PDPN: variants seen among roughly 807,000 people sequenced by gnomAD.
PDPN encodes the protein PA2.26 antigen.
Under a neutral mutation model 23.2 loss-of-function variants are expected in PDPN, and 12 were observed. The observed-to-expected ratio is 0.52, with a 90% confidence interval of 0.33 to 0.84. The LOEUF is 0.84. Ranked by LOEUF, PDPN falls within the 40% of genes least tolerant of loss-of-function variation. The pLI, the probability that PDPN is intolerant of heterozygous loss-of-function variation, is 0.02. For missense variants in PDPN, 199 were observed against 212.2 expected (o/e 0.94, Z 0.39); for synonymous variants, 77 against 76.7 (o/e 1.00, Z -0.02).
chr1:13,610,296 A>T, intron 2 of PDPN, 91 bp from the exon 3 acceptor site: 1 of 1,061,872 alleles, frequency 9.4e-7, no homozygotes, highest in Non-Finnish European at 1.4e-6. Flanking sequence ...CCATATTTTT[A>T]TGCCACCTTA....
At chr1:13,610,239 T>A (rs924807016) in intron 2 of PDPN, 148 bp from the exon 3 acceptor site, 1 of 627,958 alleles carries the variant, frequency 1.6e-6, no homozygotes, top group Non-Finnish European at 2.8e-6. Flanking sequence ...CAAGATCTAA[T>A]TGTTCTGTTC....
At chr1:13,593,342 T>C (rs1640402453) in intron 1 of PDPN, among the ~76,000 whole-genome samples, 1 of 152,128 alleles carries the variant, frequency 6.6e-6, no homozygotes, top group Non-Finnish European at 1.5e-5. Context: ...GATGATCTGA[T>C]GAGTACCTGG....
At position 13,611,870 on chromosome 1, in the gene PDPN, A is replaced by G. The variant is rs1557551189; in HGVS notation, c.331+1354A>G. 5.3e-5 allele frequency among the ~76,000 whole-genome samples: 8 copies of G among 152,228 alleles called. No individual in the cohort carries two copies. The South Asian group carries it at 1.4e-3, about 28-fold the overall frequency. ...CACCAGAGAAAGCCAAGTTGAGCTA[A>G]GCAAAGAAAGAATAATCAATATAAA... On this transcript the variant is annotated intron_variant, in intron 3 of 5. Transcript: ENST00000621990.
chr1:13,613,983 A>G (rs77919343), intron 4 of PDPN, among the ~76,000 whole-genome samples: 1 of 151,156 alleles, frequency 6.6e-6, no homozygotes, highest in East Asian at 1.9e-4. Flanking sequence ...ATGGTGTCAT[A>G]TCACAGTTCA....
intron 1 of PDPN, among the ~76,000 whole-genome samples, chr1:13,598,310 C>G (rs566379505): frequency 1.3e-5 from 2 of 152,132 alleles, no homozygotes; most frequent in African/African-American, 2.4e-5. Flanking sequence ...AGCCACCATG[C>G]CTGTCCCGCA....
chr1:13,597,035 T>C (rs931468505), intron 1 of PDPN, among the ~76,000 whole-genome samples: 1 of 152,138 alleles, frequency 6.6e-6, no homozygotes, highest in Non-Finnish European at 1.5e-5. Flanking sequence ...AAAAATAATA[T>C]ACAAAAGCCT....
intron 1 of PDPN, among the ~76,000 whole-genome samples, chr1:13,605,333 C>T (rs1000922192): frequency 2.0e-5 from 3 of 152,186 alleles, no homozygotes; most frequent in Non-Finnish European, 4.4e-5. Context: ...TTCCAAGCAC[C>T]TCCCTCCCCC....
chr1:13,605,760 C>T (rs780825476), intron 1 of PDPN, among the ~76,000 whole-genome samples: 5 of 151,932 alleles, frequency 3.3e-5, no homozygotes, highest in Non-Finnish European at 5.9e-5. Context: ...GTAGCTGGGA[C>T]TACAGGCATG....
intron 1 of PDPN, among the ~76,000 whole-genome samples, chr1:13,586,965 C>T (rs1570005790): frequency 2.0e-5 from 3 of 152,120 alleles, no homozygotes; most frequent in South Asian, 2.1e-4. Context: ...GCGGAAGAAT[C>T]GCTTGAACTC....
chr1:13,607,793 T>C (rs990552800), intron 2 of PDPN, among the ~76,000 whole-genome samples: 1 of 152,142 alleles, frequency 6.6e-6, no homozygotes. Context: ...GCAATGTCAT[T>C]GCTATAAAGG....
Position 13,599,373 on chromosome 1 carries a change from C to CTTTT in PDPN, c.68-7773_68-7770dup, listed in dbSNP as rs70984267. 6.4e-4 allele frequency among the ~76,000 whole-genome samples: 49 copies of CTTTT among 77,100 alleles called. 3 individuals carry two copies. Among genetic ancestry groups the CTTTT allele is most frequent in the African/African-American group, 1.5e-3 (26 of 17,358 alleles). The allele number at this position is 77,100 out of a possible 152,430, so 50.6% of individuals were successfully genotyped here. On this transcript the variant is annotated intron_variant, in intron 1 of 5. Coordinates refer to ENST00000621990, the MANE Select transcript of PDPN (RefSeq NM_006474.5). The stretch of plus-strand genomic sequence containing the variant: ...TATCTTGATGTGTTCGAGAAGCTAT[C>CTTTT]TTTTTTTTTTTTTTTTTTTTTTTTT...
chr1:13,601,112 ATACT>A (rs1640631301), intron 1 of PDPN, among the ~76,000 whole-genome samples: 1 of 152,218 alleles, frequency 6.6e-6, no homozygotes, highest in Admixed American at 6.5e-5. Flanking sequence ...ACCTGTTTGA[ATACT>A]TACTTTTCCT....
chr1:13,584,176 C>A lies in PDPN; in HGVS notation c.67+76C>A. On this transcript the variant is annotated intron_variant, in intron 1 of 5. Coordinates refer to ENST00000621990, the MANE Select transcript of PDPN (RefSeq NM_006474.5). ...GCAGAGACTTGCTGGAATGCCCGGGCCTGGTATTCGAGGTTGTCCAGGGGA... is the reference window on the plus strand; with the variant it reads ...GCAGAGACTTGCTGGAATGCCCGGGACTGGTATTCGAGGTTGTCCAGGGGA... 3 of 1,558,906 alleles carry A rather than the reference C, an allele frequency of 1.9e-6. 1 individual carries two copies. The South Asian group carries it at 3.4e-5, about 18-fold the overall frequency.
intron 1 of PDPN, among the ~76,000 whole-genome samples, chr1:13,591,689 C>T (rs916679529): frequency 4.6e-5 from 7 of 152,148 alleles, no homozygotes; most frequent in Admixed American, 6.5e-5. Context: ...ACCAGAATTT[C>T]GTTCTTTTAA....
At chr1:13,601,045 C>T (rs1427651366) in intron 1 of PDPN, among the ~76,000 whole-genome samples, 6 of 152,300 alleles carry the variant, frequency 3.9e-5, no homozygotes, top group Non-Finnish European at 8.8e-5. Flanking sequence ...GTGTCTTCCA[C>T]GTTAAGTGGA....
At chr1:13,609,233 C>G (rs1387823521) in intron 2 of PDPN, among the ~76,000 whole-genome samples, 3 of 152,136 alleles carry the variant, frequency 2.0e-5, no homozygotes, top group Non-Finnish European at 4.4e-5. Context: ...CTAGACAAGG[C>G]TAGCTTGTAT....
intron 2 of PDPN, among the ~76,000 whole-genome samples, chr1:13,609,631 A>G (rs1196920969): frequency 2.0e-5 from 3 of 152,126 alleles, no homozygotes; most frequent in South Asian, 2.1e-4. Context: ...TCTACTTTCT[A>G]TCTTATGAAT....
At chr1:13,604,570 A>G (rs1456908268) in intron 1 of PDPN, among the ~76,000 whole-genome samples, 2 of 152,108 alleles carry the variant, frequency 1.3e-5, no homozygotes, top group South Asian at 2.1e-4. Flanking sequence ...TGAGCTTTCT[A>G]TGAAAGAATT....
chr1:13,599,797 G>A (rs997636197), intron 1 of PDPN, among the ~76,000 whole-genome samples: 1 of 152,090 alleles, frequency 6.6e-6, no homozygotes, highest in Non-Finnish European at 1.5e-5. Flanking sequence ...CCAGCTCTTG[G>A]CAGGTGCTTG....
Sources: allele counts gnomAD v4.1 joint callset (sites outside exome capture counted in the v4.1 genomes callset), GRCh38; gene constraint gnomAD v4.1.1; transcripts MANE v1.5; gene names NCBI Gene and HGNC (gene_info 2026-07-23, HGNC 2026-07-21).